The following SLC25A12 variants were observed in gnomAD, a reference collection of about 807,000 sequenced individuals.
SLC25A12 encodes the protein electrogenic aspartate/glutamate antiporter SLC25A12, mitochondrial.
SLC25A12 carries 32 observed loss-of-function variants against 83.3 expected under a neutral mutation model. The observed-to-expected ratio is 0.38, with a 90% CI of 0.29 to 0.52. The LOEUF is 0.52. SLC25A12 is among the 20% of genes least tolerant of loss of function. The probability of loss-of-function intolerance (pLI) is 0.84; values close to 1 mark genes in which losing one functional copy is unlikely to be tolerated. For missense variants in SLC25A12, 611 were observed against 835.6 expected, an observed-to-expected ratio of 0.73 and a Z score of 3.31; for synonymous variants, 267 against 291.1, an observed-to-expected ratio of 0.92 and a Z score of 0.84.
intron 4 of SLC25A12, among the ~76,000 whole-genome samples, chr2:171,849,722 A>T (rs1684879876): frequency 6.6e-6 from 1 of 151,662 alleles, no homozygotes; most frequent in Non-Finnish European, 1.5e-5. Flanking sequence ...TGCCCAGCTA[A>T]TTTTTTTGTA....
intron 13 of SLC25A12, among the ~76,000 whole-genome samples, chr2:171,799,408 G>A (rs1683664209): frequency 6.6e-6 from 1 of 152,222 alleles, no homozygotes; most frequent in Non-Finnish European, 1.5e-5. Flanking sequence ...AGAGGTGGAA[G>A]AGCTGTTTCC....
intron 3 of SLC25A12, among the ~76,000 whole-genome samples, chr2:171,859,113 C>G (rs1310079927): frequency 6.6e-6 from 1 of 152,144 alleles, no homozygotes; most frequent in East Asian, 1.9e-4. Flanking sequence ...TCTCCTAACC[C>G]TTTCCCAATT....
Position 171,809,587 on chromosome 2 carries a change from G to A in SLC25A12, c.1305+19C>T, listed in dbSNP as rs553164976. On this transcript the variant is annotated intron_variant, in intron 13 of 17. Transcript: ENST00000422440. ...ACGGAATGTATTTGTCACAAGAAGC[G>A]CCTAACAGTAATACTTACACAGCCT... The A allele has an allele frequency of 3.0e-5, 47 of 1,583,916 alleles. No homozygotes were observed. Among genetic ancestry groups the A allele is most frequent in the Non-Finnish European group, 3.6e-5 (42 of 1,152,470 alleles).
chr2:171,883,633 T>C (rs981117821), intron 2 of SLC25A12, among the ~76,000 whole-genome samples: 1 of 152,170 alleles, frequency 6.6e-6, no homozygotes, highest in African/African-American at 2.4e-5. Flanking sequence ...GTTGAACACA[T>C]CAAACCCTTT....
intron 2 of SLC25A12, among the ~76,000 whole-genome samples, chr2:171,885,100 C>T (rs1685788430): frequency 6.6e-6 from 1 of 150,676 alleles, no homozygotes; most frequent in South Asian, 2.1e-4. Flanking sequence ...GTAGTCCCAG[C>T]TACTCGGGAG....
intron 4 of SLC25A12, among the ~76,000 whole-genome samples, chr2:171,851,480 C>T (rs939501008): frequency 1.4e-5 from 2 of 137,940 alleles, no homozygotes; most frequent in African/African-American, 5.4e-5. Context: ...TGAGCCACTG[C>T]GCCTGGCCCC....
chr2:171,787,528 G>A, intron 17 of SLC25A12, 43 bp downstream of exon 17: 1 of 1,411,464 alleles, frequency 7.1e-7, no homozygotes, highest in Non-Finnish European at 1.0e-6. Flanking sequence ...ATTTGTTTTG[G>A]ACTTAGTGAT....
In SLC25A12 at chr2:171,793,784, A is replaced by G. The variant is rs774156042; in HGVS notation, c.1306-17T>C. The stretch of plus-strand genomic sequence containing the variant: ...GCCTCCAGCCTGTAGGCAAGGGAGA[A>G]GAGACAGGCAGATTCCACATCAGAG... On this transcript the variant is annotated splice_polypyrimidine_tract_variant and intron_variant, in intron 13 of 17. Transcript: ENST00000422440. The G allele has an allele frequency of 2.5e-5, 41 of 1,614,042 alleles. No individual in the cohort carries two copies. The highest frequency in any genetic ancestry group is 3.4e-6 in the Non-Finnish European group (4 of 1,180,014).
intron 2 of SLC25A12, among the ~76,000 whole-genome samples, chr2:171,887,911 T>C (rs7355523): frequency 0.27 from 40,474 of 151,982 alleles, 5,507 homozygotes; most frequent in African/African-American, 0.29. Flanking sequence ...AATAGAAACA[T>C]AGCTCATCAA....
chr2:171,849,264 CATCAAACAGCAT>C (rs961579245), intron 4 of SLC25A12, among the ~76,000 whole-genome samples: 2 of 151,194 alleles, frequency 1.3e-5, no homozygotes, highest in African/African-American at 4.9e-5. Flanking sequence ...AACAGTCTAT[CATCAAACAGCAT>C]AAAAACTAAT....
intron 9 of SLC25A12, among the ~76,000 whole-genome samples, chr2:171,820,963 G>A (rs1684176003): frequency 6.8e-6 from 1 of 147,722 alleles, no homozygotes; most frequent in Non-Finnish European, 1.5e-5. Context: ...TACTGTTGGT[G>A]AGTATTTAGA....
intron 7 of SLC25A12, chr2:171,834,439 G>A (rs1684512634): frequency 4.2e-6 from 2 of 474,854 alleles, no homozygotes; most frequent in Admixed American, 3.4e-5. Context: ...TCATCTTTCT[G>A]TGGCAACTCC....
intron 2 of SLC25A12, 47 bp downstream of exon 2, chr2:171,893,157 AC>A: frequency 6.8e-7 from 1 of 1,465,990 alleles, no homozygotes; most frequent in East Asian, 2.3e-5. Context: ...AAGGACATGT[AC>A]GTTTTTTGTT....
intron 3 of SLC25A12, 85 bp downstream of exon 3, chr2:171,868,596 G>A: frequency 1.5e-6 from 2 of 1,360,702 alleles, no homozygotes; most frequent in South Asian, 1.2e-5. Flanking sequence ...TTACAGGCAT[G>A]AGCCACTGTG....
intron 9 of SLC25A12, among the ~76,000 whole-genome samples, chr2:171,816,361 T>C (rs1684050713): frequency 6.6e-6 from 1 of 152,114 alleles, no homozygotes; most frequent in Non-Finnish European, 1.5e-5. Flanking sequence ...CCACCTCACC[T>C]GGCACAAAAA....
Position 171,785,282 on chromosome 2 carries a change from T to C in SLC25A12, c.2029A>G (p.Thr677Ala). ...ACTCAACAGTTGTCTCATCACTGAG[T>C]GGCTGCCACTGCTGCCTTTGGCTGA... ...VVQPKAAVAA[T>A]Q The change falls in exon 18 of 18, where the codon ACT becomes GCT. Residue 677 changes from threonine to alanine, a missense_variant. By Grantham distance (58) the Thr-to-Ala change is moderately conservative. Coordinates refer to ENST00000422440, the MANE Select transcript of SLC25A12 (RefSeq NM_003705.5). 6.2e-7 allele frequency: 1 copy of C among 1,614,112 alleles called. No homozygotes were observed. The highest frequency in any genetic ancestry group is 2.2e-5 in the East Asian group (1 of 44,886).
At chr2:171,865,621 A>C (rs1192730921) in intron 3 of SLC25A12, among the ~76,000 whole-genome samples, 2 of 151,938 alleles carry the variant, frequency 1.3e-5, no homozygotes, top group Non-Finnish European at 2.9e-5. Flanking sequence ...AGATCATGCC[A>C]CTGTACTCCA....
At chr2:171,852,620 C>A (rs1243909442) in intron 4 of SLC25A12, 4 of 452,084 alleles carry the variant, frequency 8.8e-6, no homozygotes, top group Non-Finnish European at 1.8e-5. Context: ...CCTATAAATA[C>A]ATAAGCACAA....
chr2:171,840,611 A>G (rs1684651968), intron 5 of SLC25A12, among the ~76,000 whole-genome samples: 1 of 152,140 alleles, frequency 6.6e-6, no homozygotes, highest in Admixed American at 6.5e-5. Flanking sequence ...GAGTTCCTGA[A>G]AATTAGAAAT....
Sources: gnomAD v4.1 joint callset for allele counts (sites outside exome capture counted in the v4.1 genomes callset) on GRCh38, gnomAD v4.1.1 for gene constraint, MANE v1.5 for transcripts, NCBI Gene and HGNC (gene_info 2026-07-23, HGNC 2026-07-21) for gene names.